Variants in SHF observed in about 807,000 individuals in gnomAD.
SHF encodes Src homology 2 domain containing F.
Under a neutral mutation model 42.4 loss-of-function variants are expected in SHF, and 30 were observed. That is an observed-to-expected ratio of 0.71 (90% confidence interval 0.53 to 0.96). SHF has a LOEUF of 0.96. Among genes scored for constraint, SHF ranks in the 40% least tolerant of loss-of-function variants. The pLI, the probability that SHF is intolerant of heterozygous loss-of-function variation, is 0.00. For synonymous variants in SHF, 264 were observed against 269.9 expected, an observed-to-expected ratio of 0.98 and a Z score of 0.21; for missense variants, 598 against 634.0, an observed-to-expected ratio of 0.94 and a Z score of 0.61.
intron 2 of SHF, among the ~76,000 whole-genome samples, chr15:45,194,588 G>T (rs1023351946): frequency 4.6e-5 from 7 of 152,020 alleles, no homozygotes; most frequent in African/African-American, 1.7e-4. Flanking sequence ...CTGACCTCAG[G>T]TGATTCACCC....
chr15:45,167,748 C>T lies in SHF; in HGVS notation c.*199G>A. ...CCTTTCTCTCCAGGGATTCCTCTTTCCCCAGCTCCAGACAACCCCTTACTC... is the reference window on the plus strand; with the variant it reads ...CCTTTCTCTCCAGGGATTCCTCTTTTCCCAGCTCCAGACAACCCCTTACTC... On this transcript the variant is annotated 3_prime_UTR_variant, in exon 7 of 7. Transcript: ENST00000690270. 2.3e-6 allele frequency: 1 copy of T among 431,532 alleles called. No individual in the cohort carries two copies. Among genetic ancestry groups the T allele is most frequent in the Non-Finnish European group, 4.0e-6 (1 of 252,350 alleles). 26.7% of individuals were successfully genotyped at this position (431,532 alleles called of 1,614,324 possible). A position where few individuals can be genotyped will look rare whatever the true frequency, so the allele number is the denominator to read the frequency against.
upstream of SHF, among the ~76,000 whole-genome samples, chr15:45,190,696 G>T (rs1478141202): frequency 2.0e-5 from 3 of 152,066 alleles, no homozygotes; most frequent in Non-Finnish European, 4.4e-5. Context: ...GTCATTCCAA[G>T]ACAGGAGGTC....
intron 2 of SHF, among the ~76,000 whole-genome samples, chr15:45,198,065 C>G (rs976398101): frequency 6.6e-6 from 1 of 151,858 alleles, no homozygotes; most frequent in Non-Finnish European, 1.5e-5. Context: ...AAATAAATGA[C>G]CCAGAGCCTC....
chr15:45,200,940 C>A (rs1396986679), exon 1 of SHF: 2 of 442,696 alleles, frequency 4.5e-6, no homozygotes, highest in African/African-American at 4.0e-5. Flanking sequence ...TTGCAAAGCA[C>A]TTTCATGTCC....
chr15:45,171,706 A>G (rs1266335489), intron 6 of SHF, 177 bp downstream of exon 6: 1 of 656,768 alleles, frequency 1.5e-6, no homozygotes, highest in African/African-American at 1.8e-5. Flanking sequence ...ATTTCTCCCA[A>G]TGGACTCTGA....
chr15:45,168,167 G>A (rs1427539581), intron 6 of SHF, 34 bp from the exon 7 acceptor site: 3 of 1,532,544 alleles, frequency 2.0e-6, no homozygotes, highest in Admixed American at 1.9e-5. Flanking sequence ...GGTGAGTGGG[G>A]GCTCTCCTCA....
chr15:45,196,822 C>G (rs937998416), intron 2 of SHF, among the ~76,000 whole-genome samples: 9 of 151,358 alleles, frequency 5.9e-5, no homozygotes, highest in Non-Finnish European at 1.3e-4. Context: ...TGGCGTGAAC[C>G]TGGGAGGCGG....
At chr15:45,190,187 G>A (rs1898674644), upstream of SHF, among the ~76,000 whole-genome samples, 1 of 152,186 alleles carries the variant, frequency 6.6e-6, no homozygotes, top group African/African-American at 2.4e-5. Context: ...AGGAGATACT[G>A]GAGAATCTGA....
At chr15:45,187,356 A>G in intron 1 of SHF, 98 bp downstream of exon 1, 2 of 1,161,548 alleles carry the variant, frequency 1.7e-6, no homozygotes, top group Non-Finnish European at 2.2e-6. Context: ...AAGCTGAGAC[A>G]CCGAGGGGCC....
In SHF at chr15:45,175,431, G is replaced by A. The variant is rs1421459289; in HGVS notation, c.641-6C>T. The A allele has an allele frequency of 2.4e-5, 38 of 1,570,996 alleles. No homozygotes were observed. Among genetic ancestry groups the A allele is most frequent in the South Asian group, 3.5e-5 (3 of 85,480 alleles). ...CTCCTTGGAGCCCCGGATCTCTGCC[G>A]GAGCAGGGCAGGAAGGGAAAGGTGA... On this transcript the variant is annotated splice_polypyrimidine_tract_variant and splice_region_variant and intron_variant, in intron 2 of 6. Transcript: ENST00000690270.
rs375802572 is a variant in SHF at position 45,178,250 on chromosome 15, G to C, written c.555C>G (p.Gly185=). 1.5e-5 allele frequency: 25 copies of C among 1,613,896 alleles called. No individual in the cohort carries two copies. In the African/African-American group the frequency reaches 3.2e-4, roughly 21 times the overall value. The change falls in exon 2 of 7, where the codon GGC becomes GGG. Residue 185 remains glycine (G), a synonymous_variant. Transcript: ENST00000690270. The stretch of plus-strand genomic sequence containing the variant: ...CTGGGGCTCCTGAAGCTCCTGCTGA[G>C]CCTTCGCCAGTCTCCTGAACATCAA... ...DPFDVQETGE[G]SAGASGAPEK...
At chr15:45,199,228 C>T in intron 1 of SHF, 3 of 852,094 alleles carry the variant, frequency 3.5e-6, no homozygotes, top group Non-Finnish European at 5.2e-6. Context: ...CCTGACTCCT[C>T]CTGACTCCTC....
chr15:45,197,527 C>T (rs1428715200), intron 2 of SHF, among the ~76,000 whole-genome samples: 3 of 152,180 alleles, frequency 2.0e-5, no homozygotes, highest in Non-Finnish European at 4.4e-5. Context: ...ACTCCAAATT[C>T]AAGATGCTTC....
chr15:45,182,288 GT>G (rs1336696457), intron 1 of SHF, among the ~76,000 whole-genome samples: 1 of 152,166 alleles, frequency 6.6e-6, no homozygotes, highest in African/African-American at 2.4e-5. Flanking sequence ...CCTTTCCTCT[GT>G]TTCTTTAGTT....
intron 6 of SHF, among the ~76,000 whole-genome samples, chr15:45,169,902 G>T (rs1248168457): frequency 1.3e-5 from 2 of 152,226 alleles, no homozygotes; most frequent in Non-Finnish European, 2.9e-5. Flanking sequence ...GCCTTTTTGA[G>T]GAAGTTGTTT....
In SHF at chr15:45,178,197, A is replaced by T. The variant is rs767605750; in HGVS notation, c.608T>A (p.Met203Lys). ...PEKVPENDGYMEPYEAQKMMA... is the reference protein window; with the variant it reads ...PEKVPENDGYKEPYEAQKMMA... ...CATCTTTTGAGCCTCATAGGGCTCC[A>T]TGTAGCCATCATTTTCAGGGACCTT... The change falls in exon 2 of 7, where the codon ATG (methionine) becomes AAG (lysine). Residue 203 changes from methionine to lysine, a missense_variant. Physicochemically the swap from Met to Lys is moderately conservative, Grantham distance 95. Coordinates refer to ENST00000690270, the MANE Select transcript of SHF (RefSeq NM_001394037.1). 1 of 1,613,542 alleles carries T rather than the reference A, an allele frequency of 6.2e-7. No homozygotes were observed. The highest frequency in any genetic ancestry group is 8.5e-7 in the Non-Finnish European group (1 of 1,179,878).
intron 3 of SHF, chr15:45,174,361 G>C (rs1231056133): frequency 1.3e-5 from 2 of 155,462 alleles, no homozygotes; most frequent in Non-Finnish European, 2.9e-5. Flanking sequence ...ATTCTCCAAG[G>C]AGACTTCTGG....
At chr15:45,177,012 T>G (rs1469030379) in intron 2 of SHF, among the ~76,000 whole-genome samples, 1 of 152,236 alleles carries the variant, frequency 6.6e-6, no homozygotes, top group African/African-American at 2.4e-5. Context: ...ACCTCCATTC[T>G]GCAGGCTTGT....
chr15:45,193,886 C>A (rs56221949), intron 2 of SHF, among the ~76,000 whole-genome samples: 2 of 150,924 alleles, frequency 1.3e-5, no homozygotes, highest in African/African-American at 2.4e-5. Context: ...AGAGCTTGTG[C>A]TCAGGAATTA....
Sources: allele counts gnomAD v4.1 joint callset (sites outside exome capture counted in the v4.1 genomes callset), GRCh38; gene constraint gnomAD v4.1.1; transcripts MANE v1.5; gene names NCBI Gene and HGNC (gene_info 2026-07-23, HGNC 2026-07-21).